Variants in SRSF5 observed in about 807,000 individuals in gnomAD.
SRSF5 encodes serine and arginine rich splicing factor 5, also known as serine/arginine-rich splicing factor 5.
A neutral mutation model predicts 34.0 loss-of-function variants in SRSF5; 5 were observed. The ratio of observed to expected loss-of-function variants is 0.15; its 90% CI spans 0.08 to 0.31. The LOEUF (loss-of-function observed/expected upper bound fraction) is 0.31. Ranked by LOEUF, SRSF5 falls within the 10% of genes least tolerant of loss-of-function variation. SRSF5 has a pLI of 1.00. For synonymous variants in SRSF5, 164 were observed against 117.7 expected, an observed-to-expected ratio of 1.39 and a Z score of -2.55; for missense variants, 223 against 351.4, an observed-to-expected ratio of 0.63 and a Z score of 2.92.
chr14:69,771,481 G>A lies in SRSF5; in HGVS notation c.*20G>A, dbSNP rs200257424. Reference sequence around the variant, plus strand: ...AATTAAACTGTAAATAACTTGCCCTGGGGGCCTTTTTTTAAAAAACAAAAA... The same window carrying A: ...AATTAAACTGTAAATAACTTGCCCTAGGGGCCTTTTTTTAAAAAACAAAAA... On this transcript the variant is annotated 3_prime_UTR_variant, in exon 8 of 8. Transcript: ENST00000557154. 3.8e-6 allele frequency: 6 copies of A among 1,585,936 alleles called. No homozygotes were observed. The highest frequency in any genetic ancestry group is 1.4e-5 in the African/African-American group (1 of 73,268).
chr14:69,767,739 G>T (rs1882684480), intron 1 of SRSF5: 1 of 357,278 alleles, frequency 2.8e-6, no homozygotes, highest in South Asian at 2.0e-5. Context: ...GAGGCGTCGC[G>T]AGATTCTGGC....
chr14:69,771,342 C>G lies in SRSF5; in HGVS notation c.700C>G (p.Pro234Ala). ...RSKSRSVSRS[P>A]VPEKSQKRGS... ...CAAGTCCCGTTCTGTTAGTAGGTCT[C>G]CCGTGCCTGAGAAGAGCCAGAAACG... The change falls in exon 8 of 8, where the codon CCC becomes GCC. Residue 234 changes from proline (P) to alanine (A), a missense_variant. Physicochemically the swap from Pro to Ala is conservative, Grantham distance 27. Transcript: ENST00000557154. 6.2e-7 allele frequency: 1 copy of G among 1,614,152 alleles called. No individual in the cohort carries two copies. The highest frequency in any genetic ancestry group is 1.1e-5 in the South Asian group (1 of 91,078).
At chr14:69,770,883 C>T (rs1883122072) in intron 6 of SRSF5, 112 bp from the exon 7 acceptor site, 1 of 921,520 alleles carries the variant, frequency 1.1e-6, no homozygotes, top group African/African-American at 1.7e-5. Flanking sequence ...AAATAAGACT[C>T]AATAGTAGCA....
At chr14:69,770,222 A>G (rs1883037420) in intron 5 of SRSF5, 6 of 1,292,750 alleles carry the variant, frequency 4.6e-6, no homozygotes, top group Non-Finnish European at 5.9e-6. Context: ...GCATAGACTA[A>G]TACTACCTTA....
At chr14:69,768,998 C>T in intron 4 of SRSF5, 102 bp downstream of exon 4, 2 of 1,347,858 alleles carry the variant, frequency 1.5e-6, no homozygotes, top group Non-Finnish European at 2.1e-6. Context: ...GCCGTATAAT[C>T]TGTTCTTCTA....
At chr14:69,768,951 G>A (rs755287188) in intron 4 of SRSF5, 55 bp downstream of exon 4, 1 of 1,555,468 alleles carries the variant, frequency 6.4e-7, no homozygotes, top group East Asian at 2.2e-5. Context: ...TAGCATTTAA[G>A]ATTCAGGAGT....
intron 4 of SRSF5, 125 bp from the exon 5 acceptor site, chr14:69,769,055 AAC>A: frequency 7.5e-7 from 1 of 1,326,828 alleles, no homozygotes; most frequent in Non-Finnish European, 1.1e-6. Flanking sequence ...TGAGTCATAG[AAC>A]ACAAATCTAT....
rs1883058032 is a variant in SRSF5 at position 69,770,395 on chromosome 14, T to G, written c.367-72T>G. 7 of 1,572,100 alleles carry G rather than the reference T, an allele frequency of 4.5e-6. No individual in the cohort carries two copies. In the East Asian group the frequency reaches 1.4e-4, roughly 31 times the overall value. Reference sequence around the variant, plus strand: ...CATCTTCTCTTTCAGTAGTCTTGTTTTTTTTATATCATGTGATTGTTTGTG... The same window carrying G: ...CATCTTCTCTTTCAGTAGTCTTGTTGTTTTTATATCATGTGATTGTTTGTG... On this transcript the variant is annotated intron_variant, in intron 5 of 7. Transcript: ENST00000557154.
At chr14:69,768,566 C>T (rs533907455) in intron 2 of SRSF5, 38 bp from the exon 3 acceptor site, 3 of 1,591,552 alleles carry the variant, frequency 1.9e-6, no homozygotes, top group African/African-American at 2.7e-5. Flanking sequence ...GAATACTCTT[C>T]TAAAGCCAAT....
chr14:69,770,377 T>G (rs1688598933), intron 5 of SRSF5, 90 bp from the exon 6 acceptor site: 1 of 1,534,968 alleles, frequency 6.5e-7, no homozygotes, highest in African/African-American at 1.4e-5. Flanking sequence ...TAACATCTTC[T>G]CTTTCAGTAG....
intron 5 of SRSF5, 111 bp downstream of exon 5, chr14:69,769,362 TG>T: frequency 6.6e-7 from 1 of 1,511,612 alleles, no homozygotes; most frequent in Admixed American, 2.2e-5. Context: ...ATGGATTTAA[TG>T]GAATTGTAAT....
At chr14:69,769,472 A>G in intron 5 of SRSF5, 1 of 1,534,668 alleles carries the variant, frequency 6.5e-7, no homozygotes, top group African/African-American at 1.4e-5. Context: ...GTTTTTTAAA[A>G]TCAATTTTTA....
rs903117299 is a variant in SRSF5, at chr14:69,771,624, C to A, written c.*163C>A. The A allele has an allele frequency of 5.1e-6, 4 of 783,954 alleles. No homozygotes were observed. The African/African-American group carries it at 5.2e-5, about 10-fold the overall frequency. The allele number at this position is 783,954 out of a possible 1,614,324, so 48.6% of individuals were successfully genotyped here. A position where few individuals can be genotyped will look rare whatever the true frequency, so the allele number is the denominator to read the frequency against. On this transcript the variant is annotated 3_prime_UTR_variant, in exon 8 of 8. Transcript: ENST00000557154. ...TGGATATCTTTGTAGATGTGGACCACCAAGGGGTTGTTGAAAACTAATTGT... is the reference window on the plus strand; with the variant it reads ...TGGATATCTTTGTAGATGTGGACCAACAAGGGGTTGTTGAAAACTAATTGT...
At chr14:69,769,286 T>G (rs768194576) in intron 5 of SRSF5, 35 bp downstream of exon 5, 2 of 1,609,660 alleles carry the variant, frequency 1.2e-6, no homozygotes, top group South Asian at 1.1e-5. Flanking sequence ...TATTTTGATG[T>G]GGCTTTTTAA....
chr14:69,771,983 GATA>G lies in SRSF5; in HGVS notation c.*527_*529del, dbSNP rs1344086589. On this transcript the variant is annotated 3_prime_UTR_variant, in exon 8 of 8. Coordinates refer to ENST00000557154, the MANE Select transcript of SRSF5 (RefSeq NM_001320214.2). ...CACATTAGAGCAGCTGTTTGTTATTGATAATAAAATATTATAAAACTACTTTTT... is the reference window on the plus strand; with the variant it reads ...CACATTAGAGCAGCTGTTTGTTATTGATAAAATATTATAAAACTACTTTTT... 1 of 153,726 alleles carries G rather than the reference GATA, an allele frequency of 6.5e-6. No homozygotes were observed. The highest frequency in any genetic ancestry group is 1.5e-5 in the Non-Finnish European group (1 of 68,910). The allele number at this position is 153,726 out of a possible 1,614,324, so 9.5% of individuals were successfully genotyped here. A position where few individuals can be genotyped will look rare whatever the true frequency, so the allele number is the denominator to read the frequency against.
chr14:69,767,932 C>T (rs1882727836), intron 1 of SRSF5: 1 of 528,730 alleles, frequency 1.9e-6, no homozygotes, highest in Admixed American at 3.2e-5. Flanking sequence ...TTGCTGCGGT[C>T]TGGGCCCAGT....
rs764690938 is a variant in SRSF5 at position 69,769,263 on chromosome 14, T to TA, written c.366+13dup. The TA allele has an allele frequency of 1.6e-5, 26 of 1,613,966 alleles. No individual in the cohort carries two copies. Among genetic ancestry groups the TA allele is most frequent in the East Asian group, 2.2e-5 (1 of 44,888 alleles). On this transcript the variant is annotated intron_variant, in intron 5 of 7. Coordinates refer to ENST00000557154, the MANE Select transcript of SRSF5 (RefSeq NM_001320214.2). Reference sequence around the variant, plus strand: ...GAGTCAGCTGGCAGGTTTGTTGAAATACAGTTTTGAGTTATTTTGATGTGG... The same window carrying TA: ...GAGTCAGCTGGCAGGTTTGTTGAAATAACAGTTTTGAGTTATTTTGATGTGG...
intron 1 of SRSF5, 133 bp downstream of exon 1, chr14:69,767,388 C>G (rs781675147): frequency 1.8e-5 from 8 of 455,802 alleles, no homozygotes; most frequent in African/African-American, 1.6e-4. Context: ...GAGGTGGGCG[C>G]TGGGGCACGT....
At chr14:69,770,962 AT>A (rs751720454) in intron 6 of SRSF5, 32 bp from the exon 7 acceptor site, 1 of 1,572,454 alleles carries the variant, frequency 6.4e-7, no homozygotes, top group East Asian at 2.2e-5. Flanking sequence ...TACAGGATGT[AT>A]ATACTTTAAA....
Sources: allele counts gnomAD v4.1 joint callset, GRCh38; gene constraint gnomAD v4.1.1; transcripts MANE v1.5; gene names NCBI Gene and HGNC (gene_info 2026-07-23, HGNC 2026-07-21).